The following PHTF2 variants were observed in gnomAD, a reference collection of about 807,000 sequenced individuals.
PHTF2 encodes the protein putative homeodomain transcription factor 2, also known as protein PHTF2.
In PHTF2, 60 loss-of-function variants were observed where a neutral mutation model predicts 101.2. The observed-to-expected ratio is 0.59, with a 90% CI of 0.48 to 0.73. The LOEUF (loss-of-function observed/expected upper bound fraction) is 0.73. Ranked by LOEUF, PHTF2 falls within the 30% of genes least tolerant of loss-of-function variation. PHTF2 has a pLI of 0.00. For missense variants in PHTF2, 747 were observed against 908.7 expected, an observed-to-expected ratio of 0.82 and a Z score of 2.29; for synonymous variants, 311 against 307.3, an observed-to-expected ratio of 1.01 and a Z score of -0.13.
chr7:77,856,771 T>G (rs1054834823), intron 3 of PHTF2, among the ~76,000 whole-genome samples: 7 of 152,098 alleles, frequency 4.6e-5, no homozygotes, highest in Non-Finnish European at 1.0e-4. Context: ...ATAAATAATC[T>G]AGAGATTATA....
chr7:77,954,642 A>G (rs910264214), intron 19 of PHTF2, among the ~76,000 whole-genome samples: 1 of 145,276 alleles, frequency 6.9e-6, no homozygotes, highest in Non-Finnish European at 1.5e-5. Flanking sequence ...ATATATATAT[A>G]TATAGCCACT....
exon 11 of PHTF2, chr7:77,922,726 G>C: frequency 6.2e-7 from 1 of 1,608,040 alleles, no homozygotes; most frequent in Non-Finnish European, 8.5e-7. Context: ...ACTTCTGAAG[G>C]TGTTCTTCGG....
intron 1 of PHTF2, among the ~76,000 whole-genome samples, chr7:77,837,303 T>A (rs1282794831): frequency 2.0e-5 from 3 of 152,214 alleles, no homozygotes; most frequent in Admixed American, 2.0e-4. Context: ...CCTGTATTCC[T>A]GGACTGTCAT....
intron 7 of PHTF2, among the ~76,000 whole-genome samples, chr7:77,904,868 A>G (rs1391904601): frequency 1.3e-5 from 2 of 152,282 alleles, no homozygotes; most frequent in East Asian, 1.9e-4. Flanking sequence ...GTTTCTTTAT[A>G]TGTCTCTTCT....
chr7:77,810,507 T>A (rs1402391391), intron 1 of PHTF2, among the ~76,000 whole-genome samples: 1 of 152,204 alleles, frequency 6.6e-6, no homozygotes, highest in Non-Finnish European at 1.5e-5. Context: ...TTAAAAACTG[T>A]TGAGGCTGGT....
chr7:77,817,921 A>G (rs539129638), intron 1 of PHTF2, among the ~76,000 whole-genome samples: 3 of 152,206 alleles, frequency 2.0e-5, no homozygotes, highest in East Asian at 1.9e-4. Context: ...CAGCCTGACC[A>G]ACATGGTGAA....
At chr7:77,802,225 A>G (rs1011020196) in intron 1 of PHTF2, among the ~76,000 whole-genome samples, 12 of 152,202 alleles carry the variant, frequency 7.9e-5, no homozygotes, top group African/African-American at 2.9e-4. Context: ...GCCAGCTTTA[A>G]ATGATAATGG....
At chr7:77,947,306 A>G (rs1806134468) in intron 16 of PHTF2, among the ~76,000 whole-genome samples, 1 of 152,162 alleles carries the variant, frequency 6.6e-6, no homozygotes, top group African/African-American at 2.4e-5. Flanking sequence ...TCACGCCTAT[A>G]ATCCCAGCAC....
chr7:77,813,835 A>G (rs1793634122), intron 1 of PHTF2, among the ~76,000 whole-genome samples: 1 of 152,166 alleles, frequency 6.6e-6, no homozygotes, highest in African/African-American at 2.4e-5. Flanking sequence ...TGGCTGTTAA[A>G]TTGTATTGCA....
intron 3 of PHTF2, among the ~76,000 whole-genome samples, chr7:77,883,986 T>C (rs935396683): frequency 9.9e-5 from 15 of 152,186 alleles, no homozygotes; most frequent in African/African-American, 3.6e-4. Flanking sequence ...TTCTGTGAAA[T>C]GTGTTTTATT....
intron 3 of PHTF2, among the ~76,000 whole-genome samples, chr7:77,872,104 A>G (rs1053018298): frequency 1.3e-5 from 2 of 152,140 alleles, no homozygotes; most frequent in East Asian, 1.9e-4. Flanking sequence ...CAAATTGGGC[A>G]CTCAGCAATG....
intron 3 of PHTF2, among the ~76,000 whole-genome samples, chr7:77,879,297 G>T (rs1484726786): frequency 6.6e-6 from 1 of 152,038 alleles, no homozygotes; most frequent in African/African-American, 2.4e-5. Context: ...AATATTTTTT[G>T]AGGACTGAAG....
chr7:77,929,033 A>G (rs919714096), intron 11 of PHTF2, 76 bp from the exon 11 acceptor site: 9 of 1,036,930 alleles, frequency 8.7e-6, no homozygotes, highest in East Asian at 2.5e-5. Flanking sequence ...GTATCAATAT[A>G]TGGGTTCTGA....
intron 7 of PHTF2, among the ~76,000 whole-genome samples, chr7:77,904,053 C>T (rs918028150): frequency 2.0e-5 from 3 of 152,258 alleles, no homozygotes; most frequent in Non-Finnish European, 4.4e-5. Context: ...AACCTCATAT[C>T]ATCTTCTACT....
intron 1 of PHTF2, among the ~76,000 whole-genome samples, chr7:77,802,933 A>G (rs1454875763): frequency 1.3e-5 from 2 of 152,190 alleles, no homozygotes; most frequent in Non-Finnish European, 2.9e-5. Context: ...AAATTTACAA[A>G]TCTGAAACAT....
chr7:77,842,810 T>A (rs542014045), intron 2 of PHTF2, among the ~76,000 whole-genome samples: 54 of 152,280 alleles, frequency 3.5e-4, no homozygotes, highest in African/African-American at 1.2e-3. Flanking sequence ...AGATAGTAAA[T>A]AATTTAGGTT....
At chr7:77,862,368 A>G (rs527438284) in intron 3 of PHTF2, among the ~76,000 whole-genome samples, 163 of 152,282 alleles carry the variant, frequency 1.1e-3, no homozygotes, top group African/African-American at 3.7e-3. Context: ...TTGTTTTGCA[A>G]ATACCTTGGT....
At chr7:77,903,565 A>C (rs1401019689) in intron 7 of PHTF2, among the ~76,000 whole-genome samples, 1 of 152,226 alleles carries the variant, frequency 6.6e-6, no homozygotes, top group Non-Finnish European at 1.5e-5. Flanking sequence ...TGGTTCCTCT[A>C]AGTTAAATAG....
chr7:77,925,621 T>C (rs1048973694), intron 11 of PHTF2, among the ~76,000 whole-genome samples: 1 of 146,334 alleles, frequency 6.8e-6, no homozygotes, highest in African/African-American at 2.5e-5. Context: ...GTGATTCTCC[T>C]GCCTCAGCTA....
Sources: allele counts gnomAD v4.1 joint callset (sites outside exome capture counted in the v4.1 genomes callset), GRCh38; gene constraint gnomAD v4.1.1; transcripts MANE v1.5; gene names NCBI Gene and HGNC (gene_info 2026-07-23, HGNC 2026-07-21).